HDAC9: variants seen among roughly 807,000 people sequenced by gnomAD.
HDAC9 encodes the protein histone deacetylase 9, also known as MEF-2 interacting transcription repressor (MITR) protein.
A neutral mutation model predicts 139.4 loss-of-function variants in HDAC9; 41 were observed. That is an observed-to-expected ratio of 0.29 (90% CI 0.23 to 0.38). The LOEUF (loss-of-function observed/expected upper bound fraction) is 0.38. Ranked by LOEUF, HDAC9 falls within the 10% of genes least tolerant of loss-of-function variation. The probability of loss-of-function intolerance (pLI) is 1.00; values close to 1 mark genes in which losing one functional copy is unlikely to be tolerated. For synonymous variants in HDAC9, 517 were observed against 476.2 expected (o/e 1.09, Z -1.12); for missense variants, 1,147 against 1,297.0 (o/e 0.88, Z 1.78).
At chr7:18,166,218 G>A (rs1351217207) in intron 2 of HDAC9, among the ~76,000 whole-genome samples, 1 of 152,152 alleles carries the variant, frequency 6.6e-6, no homozygotes, top group Non-Finnish European at 1.5e-5. Flanking sequence ...TGGGCTTCTA[G>A]GTAAAGTGGC....
intron 22 of HDAC9, among the ~76,000 whole-genome samples, chr7:18,929,949 A>G (rs80047850): frequency 6.6e-6 from 1 of 151,606 alleles, no homozygotes. Context: ...AAAAAAAAAA[A>G]TATCTGAAAC....
At chr7:18,604,193 G>C (rs944565783) in intron 6 of HDAC9, among the ~76,000 whole-genome samples, 1 of 152,000 alleles carries the variant, frequency 6.6e-6, no homozygotes, top group Non-Finnish European at 1.5e-5. Context: ...CCATTATTAT[G>C]TCAAATATTT....
At chr7:18,427,263 C>T (rs529597972) in intron 1 of HDAC9, among the ~76,000 whole-genome samples, 18 of 152,262 alleles carry the variant, frequency 1.2e-4, no homozygotes, top group African/African-American at 3.8e-4. Context: ...TACTCATTCA[C>T]ACCTACAGCC....
intron 22 of HDAC9, among the ~76,000 whole-genome samples, chr7:18,925,321 T>A (rs542325658): frequency 1.3e-5 from 2 of 152,296 alleles, no homozygotes; most frequent in South Asian, 4.1e-4. Context: ...TTAATGTTCT[T>A]ATAACTTGGG....
intron 1 of HDAC9, among the ~76,000 whole-genome samples, chr7:18,347,357 C>T (rs1485956697): frequency 1.3e-5 from 2 of 152,150 alleles, no homozygotes; most frequent in African/African-American, 4.8e-5. Context: ...ACTATGGGAA[C>T]CCCATTATGA....
At position 18,209,546 on chromosome 7, in the gene HDAC9, C is replaced by A. The variant is rs577819301; in HGVS notation, c.25+47197C>A. 1.9e-3 allele frequency among the ~76,000 whole-genome samples: 296 copies of A among 152,180 alleles called. 2 individuals carry two copies. The highest frequency in any genetic ancestry group is 0.01 in the Middle Eastern group (3 of 294). Reference sequence around the variant, plus strand: ...TCTAAGACTGCTACTATTATCCGGGCAAAATTGTGGAATTGAATCATTGAG... The same window carrying A: ...TCTAAGACTGCTACTATTATCCGGGAAAAATTGTGGAATTGAATCATTGAG... On this transcript the variant is annotated intron_variant, in intron 2 of 12. Coordinates refer to the HDAC9 transcript ENST00000417496.
At chr7:18,460,133 C>T (rs1241006677) in intron 1 of HDAC9, among the ~76,000 whole-genome samples, 2 of 151,962 alleles carry the variant, frequency 1.3e-5, no homozygotes, top group African/African-American at 4.8e-5. Context: ...GTTGTCCAGG[C>T]TCGTCTCCAA....
At chr7:18,372,091 T>G (rs1319426070) in intron 1 of HDAC9, among the ~76,000 whole-genome samples, 1 of 152,228 alleles carries the variant, frequency 6.6e-6, no homozygotes, top group Admixed American at 6.5e-5. Context: ...TGAGCTCAGC[T>G]AACCCAGTAA....
chr7:18,197,594 G>A (rs1790816935), intron 2 of HDAC9, among the ~76,000 whole-genome samples: 1 of 152,106 alleles, frequency 6.6e-6, no homozygotes, highest in Non-Finnish European at 1.5e-5. Context: ...CATAGGCAAG[G>A]ATTTGACTGA....
Position 18,629,215 on chromosome 7 carries a change from G to A in HDAC9, c.665-135G>A, listed in dbSNP as rs1781560388. ...AATGTAGAGTCAATGCCTCATTTAT[G>A]TGCTTGGGTTTTTCATTTGAGAATG... On this transcript the variant is annotated intron_variant, in intron 6 of 25. Transcript: ENST00000686413. 3 of 703,868 alleles carry A rather than the reference G, an allele frequency of 4.3e-6. No homozygotes were observed. In the African/African-American group the frequency reaches 5.5e-5, roughly 13 times the overall value. 43.6% of individuals were successfully genotyped at this position (703,868 alleles called of 1,614,324 possible). A position where few individuals can be genotyped will look rare whatever the true frequency, so the allele number is the denominator to read the frequency against.
intron 2 of HDAC9, among the ~76,000 whole-genome samples, chr7:18,556,292 T>C (rs1017335287): frequency 1.5e-4 from 23 of 152,092 alleles, no homozygotes; most frequent in African/African-American, 5.5e-4. Flanking sequence ...ATTTGTGTCA[T>C]TTTAGCATAA....
intron 2 of HDAC9, among the ~76,000 whole-genome samples, chr7:18,258,192 C>T (rs183598818): frequency 8.5e-5 from 13 of 152,184 alleles, no homozygotes; most frequent in African/African-American, 2.2e-4. Flanking sequence ...ACTGGTTAAG[C>T]GTAGATCTAT....
In HDAC9 at chr7:18,688,350, G is replaced by A. The variant is rs150519195; in HGVS notation, c.1731+21874G>A. ...ATGCATTTCTAAACTTCTAAATGAT[G>A]AAGGTTCCATTTCTAGTATATTTAT... On this transcript the variant is annotated intron_variant, in intron 12 of 25. Coordinates refer to ENST00000686413, the MANE Select transcript of HDAC9 (RefSeq NM_178425.4). Among the ~76,000 whole-genome samples, 993 of 151,876 alleles carry A rather than the reference G, an allele frequency of 6.5e-3. 10 individuals carry two copies. Among genetic ancestry groups the A allele is most frequent in the African/African-American group, 0.022 (917 of 41,504 alleles).
chr7:18,282,793 C>G (rs1797184791), intron 2 of HDAC9, among the ~76,000 whole-genome samples: 1 of 151,994 alleles, frequency 6.6e-6, no homozygotes, highest in Admixed American at 6.6e-5. Flanking sequence ...TACAGCCAGT[C>G]ACCTTGTGAA....
At chr7:18,827,662 C>T (rs543984584) in intron 17 of HDAC9, among the ~76,000 whole-genome samples, 1 of 152,088 alleles carries the variant, frequency 6.6e-6, no homozygotes, top group African/African-American at 2.4e-5. Flanking sequence ...ATACCTTTAA[C>T]CCATTAAACA....
chr7:18,653,744 C>T (rs1790135574), intron 11 of HDAC9, among the ~76,000 whole-genome samples: 1 of 152,046 alleles, frequency 6.6e-6, no homozygotes, highest in Admixed American at 6.6e-5. Context: ...TATAATTATG[C>T]TCAAATGCTG....
intron 1 of HDAC9, among the ~76,000 whole-genome samples, chr7:18,350,316 A>C (rs1585305623): frequency 6.6e-6 from 1 of 152,306 alleles, no homozygotes; most frequent in East Asian, 1.9e-4. Flanking sequence ...TTCCATGAAA[A>C]AAATGGATTC....
chr7:18,850,910 G>A (rs1797240129), intron 21 of HDAC9, among the ~76,000 whole-genome samples: 1 of 152,258 alleles, frequency 6.6e-6, no homozygotes, highest in African/African-American at 2.4e-5. Flanking sequence ...TTTCACAAGG[G>A]CACTAATCCC....
intron 21 of HDAC9, among the ~76,000 whole-genome samples, chr7:18,845,255 ATAT>A (rs944804341): frequency 5.9e-5 from 9 of 152,146 alleles, no homozygotes; most frequent in Non-Finnish European, 1.3e-4. Context: ...TAACAAATTA[ATAT>A]TATTTTGTCT....
Sources: gnomAD v4.1 joint callset for allele counts (sites outside exome capture counted in the v4.1 genomes callset) on GRCh38, gnomAD v4.1.1 for gene constraint, MANE v1.5 for transcripts, NCBI Gene and HGNC (gene_info 2026-07-23, HGNC 2026-07-21) for gene names.